CDC20: variants seen among roughly 807,000 people sequenced by gnomAD.
CDC20 encodes the protein cell division cycle 20.
A neutral mutation model predicts 60.0 loss-of-function variants in CDC20; 34 were observed. That is an observed-to-expected ratio of 0.57 (90% CI 0.43 to 0.75). CDC20 has a LOEUF of 0.75. Ranked by LOEUF, CDC20 falls within the 30% of genes least tolerant of loss-of-function variation. CDC20 has a pLI of 0.00. For missense variants in CDC20, 469 were observed against 647.3 expected (o/e 0.72, Z 2.99); for synonymous variants, 198 against 243.5 (o/e 0.81, Z 1.74).
chr1:43,361,397 A>G (rs561437069), intron 9 of CDC20, 152 bp downstream of exon 9: 1 of 774,050 alleles, frequency 1.3e-6, no homozygotes, highest in African/African-American at 1.8e-5. Flanking sequence ...GTCTGTGGCT[A>G]TCTCCAATCC....
intron 9 of CDC20, 141 bp from the exon 10 acceptor site, chr1:43,362,054 C>T: frequency 5.3e-6 from 3 of 561,928 alleles, no homozygotes; most frequent in Non-Finnish European, 6.6e-6. Context: ...TAATTTGCCT[C>T]TCAAGGAACT....
chr1:43,362,201 TC>T lies in CDC20; in HGVS notation c.1212del (p.Ile405SerfsTer21). 6.2e-7 allele frequency: 1 copy of T among 1,602,150 alleles called. No homozygotes were observed. The highest frequency in any genetic ancestry group is 8.6e-7 in the Non-Finnish European group (1 of 1,169,328). ...CACCAGCTCCTCTCCACAGGTGTGCTCCATCCTCTGGTCTCCCCATTACAAG... is the reference window on the plus strand; with the variant it reads ...CACCAGCTCCTCTCCACAGGTGTGCTCATCCTCTGGTCTCCCCATTACAAG... ...SAVDAHSQVC[S>X]ILWSPHYKEL... On this transcript the variant is annotated frameshift_variant, in exon 10 of 11. Transcript: ENST00000310955. LOFTEE classifies it high-confidence loss of function.
Position 43,360,911 on chromosome 1 carries a change from G to A in CDC20, c.1027G>A (p.Gly343Ser). ...TGTGTGGCCTAGTGCTCCTGGAGAG[G>A]GTGGCTGGGTTCCTCTGCAGACATT... ...VNVWPSAPGE[G>S]GWVPLQTFTQ... Residue 343 changes from glycine (G) to serine (S), a missense_variant, in exon 8 of 11, where the codon GGT becomes AGT. Around this residue, in one of 5 missense-constraint regions of CDC20, gnomAD observed 255 missense variants for 326.7 expected, o/e 0.78. Transcript: ENST00000310955. The A allele has an allele frequency of 6.2e-7, 1 of 1,614,142 alleles. No homozygotes were observed. Among genetic ancestry groups the A allele is most frequent in the African/African-American group, 1.3e-5 (1 of 75,030 alleles).
Position 43,360,909 on chromosome 1 carries a change from A to C in CDC20, c.1025A>C (p.Glu342Ala). ...LVNVWPSAPG[E>A]GGWVPLQTFT... Reference sequence around the variant, plus strand: ...AATGTGTGGCCTAGTGCTCCTGGAGAGGGTGGCTGGGTTCCTCTGCAGACA... The same window carrying C: ...AATGTGTGGCCTAGTGCTCCTGGAGCGGGTGGCTGGGTTCCTCTGCAGACA... The change falls in exon 8 of 11, where the codon GAG becomes GCG. Residue 342 changes from glutamate (E) to alanine (A), a missense_variant. Around this residue, in one of 5 missense-constraint regions of CDC20, gnomAD observed 255 missense variants for 326.7 expected, o/e 0.78. Coordinates refer to ENST00000310955, the MANE Select transcript of CDC20 (RefSeq NM_001255.3). The C allele has an allele frequency of 3.7e-6, 6 of 1,614,048 alleles. No individual in the cohort carries two copies. Among genetic ancestry groups the C allele is most frequent in the Non-Finnish European group, 4.2e-6 (5 of 1,180,004 alleles).
At chr1:43,359,422 G>A (rs1647159915) in intron 2 of CDC20, 26 bp downstream of exon 2, 1 of 1,612,832 alleles carries the variant, frequency 6.2e-7, no homozygotes, top group Non-Finnish European at 8.5e-7. Context: ...AAGGAACTGA[G>A]TGAGAGCAGC....
Position 43,362,971 on chromosome 1 carries a change from A to G in CDC20, c.1342A>G (p.Ser448Gly), listed in dbSNP as rs779630788. 10 of 1,599,996 alleles carry G rather than the reference A, an allele frequency of 6.3e-6. No homozygotes were observed. The African/African-American group carries it at 1.1e-4, about 17-fold the overall frequency. Reference sequence around the variant, plus strand: ...TCCAGGTCACACATCCCGGGTCCTGAGTCTGACCATGAGCCCAGATGGGGC... The same window carrying G: ...TCCAGGTCACACATCCCGGGTCCTGGGTCTGACCATGAGCCCAGATGGGGC... Reference protein sequence around the residue: ...ELKGHTSRVLSLTMSPDGATV... With the variant: ...ELKGHTSRVLGLTMSPDGATV... Residue 448 changes from serine to glycine, a missense_variant, in exon 11 of 11, where the codon AGT (serine) becomes GGT (glycine). By Grantham distance (56) the Ser-to-Gly change is moderately conservative (BLOSUM62 0). Around this residue, in one of 5 missense-constraint regions of CDC20, gnomAD observed 72 missense variants for 77.9 expected, o/e 0.92. Coordinates refer to ENST00000310955, the MANE Select transcript of CDC20 (RefSeq NM_001255.3).
At chr1:43,360,615 A>G (rs201863102) in intron 7 of CDC20, 22 bp downstream of exon 7, 7 of 1,602,746 alleles carry the variant, frequency 4.4e-6, no homozygotes, top group East Asian at 2.2e-5. Context: ...TTGTTGGTCT[A>G]TGGTAGTCTG....
At chr1:43,360,462 G>A (rs772403048) in intron 6 of CDC20, 37 bp from the exon 7 acceptor site, 2 of 1,610,220 alleles carry the variant, frequency 1.2e-6, no homozygotes, top group Admixed American at 1.7e-5. Context: ...TTAATGCCAA[G>A]TCCCAATCTC....
rs765680555 is a variant in CDC20, at chr1:43,359,959, G to A, written c.428-10G>A. ...TTTTCCCAGCGTCTAGACTCACTCC[G>A]TTGCCACAGGTTATCAGAACAGACT... On this transcript the variant is annotated splice_polypyrimidine_tract_variant and intron_variant, in intron 4 of 10. Coordinates refer to ENST00000310955, the MANE Select transcript of CDC20 (RefSeq NM_001255.3). 29 of 1,613,930 alleles carry A rather than the reference G, an allele frequency of 1.8e-5. No individual in the cohort carries two copies. The highest frequency in any genetic ancestry group is 5.0e-5 in the Admixed American group (3 of 60,002).
In CDC20 at chr1:43,361,079, C is replaced by T. The variant is rs757475680; in HGVS notation, c.1078-41C>T. On this transcript the variant is annotated intron_variant, in intron 8 of 10. Transcript: ENST00000310955. ...ATCTGTGACCCCTAGAGCTCCTTGT[C>T]TGGCTCTAGTACCTGCTGACCCCAC... 5.6e-6 allele frequency: 9 copies of T among 1,613,250 alleles called. No individual in the cohort carries two copies. In the South Asian group the frequency reaches 9.9e-5, roughly 18 times the overall value.
rs1647165860 is a variant in CDC20 at position 43,360,206 on chromosome 1, G to T, written c.570G>T (p.Val190=). The part of the protein sequence containing the change: ...EIRNDYYLNL[V]DWSSGNVLAV... ...CACCTCTGACAGACCTGAACCTTGTGGATTGGAGTTCTGGGAATGTACTGG... is the reference window on the plus strand; with the variant it reads ...CACCTCTGACAGACCTGAACCTTGTTGATTGGAGTTCTGGGAATGTACTGG... The change falls in exon 6 of 11, where the codon GTG becomes GTT. Residue 190 remains valine, a synonymous_variant. Transcript: ENST00000310955. 1.2e-6 allele frequency: 2 copies of T among 1,614,158 alleles called. No individual in the cohort carries two copies. Among genetic ancestry groups the T allele is most frequent in the Middle Eastern group, 1.6e-4 (1 of 6,062 alleles).
At position 43,360,174 on chromosome 1, in the gene CDC20, T is replaced by C; in HGVS notation, c.557-19T>C. ...CACACAAACAAGGAAGCTCATGCTCTTCTCTCCACCTCTGACAGACCTGAA... is the reference window on the plus strand; with the variant it reads ...CACACAAACAAGGAAGCTCATGCTCCTCTCTCCACCTCTGACAGACCTGAA... On this transcript the variant is annotated intron_variant, in intron 5 of 10. Coordinates refer to ENST00000310955, the MANE Select transcript of CDC20 (RefSeq NM_001255.3). 6.2e-7 allele frequency: 1 copy of C among 1,613,972 alleles called. No individual in the cohort carries two copies.
rs878991751 is a variant in CDC20 at position 43,362,094 on chromosome 1, A to C, written c.1204-101A>C. 4 of 694,350 alleles carry C rather than the reference A, an allele frequency of 5.8e-6. No homozygotes were observed. In the South Asian group the frequency reaches 7.2e-5, roughly 12 times the overall value. The allele number at this position is 694,350 out of a possible 1,614,324, so 43.0% of individuals were successfully genotyped here. ...TATGGACTATGATCATTCAACTCTG[A>C]GTCTGGAGCATGTGGCAGGGTGCCT... On this transcript the variant is annotated intron_variant, in intron 9 of 10. Transcript: ENST00000310955.
intron 3 of CDC20, 28 bp downstream of exon 3, chr1:43,359,666 C>T (rs370582690): frequency 2.3e-4 from 368 of 1,613,750 alleles, no homozygotes; most frequent in Non-Finnish European, 2.9e-4. Flanking sequence ...GCTTAAGGCA[C>T]GGGACCTGAC....
chr1:43,359,991 A>G lies in CDC20; in HGVS notation c.450A>G (p.Val150=). 6.2e-7 allele frequency: 1 copy of G among 1,614,054 alleles called. No individual in the cohort carries two copies. Residue 150 remains valine (V), a synonymous_variant, in exon 5 of 11, where the codon GTA becomes GTG. Coordinates refer to ENST00000310955, the MANE Select transcript of CDC20 (RefSeq NM_001255.3). ...APEGYQNRLK[V]LYSQKATPGS... is the part of the protein sequence containing the mutation. ...CAGGTTATCAGAACAGACTGAAAGT[A>G]CTCTACAGCCAAAAGGCCACTCCTG...
In CDC20 at chr1:43,359,341, C is replaced by CGT. The variant is rs1557472868; in HGVS notation, c.126_127insGT (p.Met43ValfsTer54). On this transcript the variant is annotated frameshift_variant, in exon 2 of 11. Transcript: ENST00000310955. LOFTEE classifies it high-confidence loss of function. ...AAGCCGCAGGCCCGGCCCCCTCACC[C>CGT]ATGCGGGCCGCCAACCGATCCCACA... is the stretch of plus-strand genomic sequence containing the variant. The CGT allele has an allele frequency of 6.2e-7, 1 of 1,613,142 alleles. No individual in the cohort carries two copies.
In CDC20 at chr1:43,363,069, G is replaced by C; in HGVS notation, c.1440G>C (p.Arg480=). The part of the protein sequence containing the change: ...WRCFELDPAR[R]REREKASAAK... ...GTTTTGAGTTGGACCCTGCGCGGCG[G>C]CGGGAGCGGGAGAAGGCCAGTGCAG... Residue 480 remains arginine, a synonymous_variant, in exon 11 of 11, where the codon CGG becomes CGC. Transcript: ENST00000310955. 1 of 1,613,514 alleles carries C rather than the reference G, an allele frequency of 6.2e-7. No individual in the cohort carries two copies. Among genetic ancestry groups the C allele is most frequent in the East Asian group, 2.2e-5 (1 of 44,866 alleles).
At position 43,360,497 on chromosome 1, in the gene CDC20, A is replaced by G. The variant is rs1448960725; in HGVS notation, c.754-2A>G. On this transcript the variant is annotated splice_acceptor_variant, in intron 6 of 10. Transcript: ENST00000310955. LOFTEE classifies it high-confidence loss of function. ...CTGATCCTAGTGGGCTTCTCTCTCT[A>G]GCTATGGGATGTGCAGCAGCAGAAA... 1 of 1,613,544 alleles carries G rather than the reference A, an allele frequency of 6.2e-7. No individual in the cohort carries two copies. The highest frequency in any genetic ancestry group is 1.3e-5 in the African/African-American group (1 of 74,904).
Position 43,360,859 on chromosome 1 carries a change from C to T in CDC20, c.975C>T (p.Ala325=). 2 of 1,614,112 alleles carry T rather than the reference C, an allele frequency of 1.2e-6. No individual in the cohort carries two copies. Among genetic ancestry groups the T allele is most frequent in the Non-Finnish European group, 1.7e-6 (2 of 1,179,998 alleles). The change falls in exon 8 of 11, where the codon GCC becomes GCT. Residue 325 remains alanine, a synonymous_variant. Coordinates refer to ENST00000310955, the MANE Select transcript of CDC20 (RefSeq NM_001255.3). The part of the protein sequence containing the change: ...LRWAPDGRHL[A]SGGNDNLVNV... ...GGGCCCCAGATGGACGACATTTGGCCAGTGGTGGTAATGATAACTTGGTCA... is the reference window on the plus strand; with the variant it reads ...GGGCCCCAGATGGACGACATTTGGCTAGTGGTGGTAATGATAACTTGGTCA...
Sources: allele counts gnomAD v4.1 joint callset, GRCh38; gene constraint gnomAD v4.1.1; regional missense constraint gnomAD v4.1.1; transcripts MANE v1.5; gene names NCBI Gene and HGNC (gene_info 2026-07-23, HGNC 2026-07-21).